The following PTPRK variants were observed in gnomAD, a reference collection of about 807,000 sequenced individuals.
PTPRK encodes protein tyrosine phosphatase receptor type K, also known as receptor-type tyrosine-protein phosphatase kappa.
A neutral mutation model predicts 178.0 loss-of-function variants in PTPRK; 75 were observed. That is an observed-to-expected ratio of 0.42 (90% CI 0.35 to 0.51). The LOEUF (loss-of-function observed/expected upper bound fraction) is 0.51, where lower values mean the gene tolerates loss of function less well. PTPRK is among the 20% of genes least tolerant of loss of function. The pLI, the probability that PTPRK is intolerant of heterozygous loss-of-function variation, is 0.02. For missense variants in PTPRK, 1,441 were observed against 1,797.8 expected (o/e 0.80, Z 3.59); for synonymous variants, 637 against 620.6 (o/e 1.03, Z -0.39).
chr6:128,486,324 C>G (rs1006245072), intron 1 of PTPRK, among the ~76,000 whole-genome samples: 1 of 152,126 alleles, frequency 6.6e-6, no homozygotes, highest in Non-Finnish European at 1.5e-5. Flanking sequence ...CATCCCTCTT[C>G]TGCTTTGAAA....
chr6:128,435,054 A>AGGAAGGAAGGAAGGC (rs1562514794), intron 1 of PTPRK, among the ~76,000 whole-genome samples: 1 of 58,872 alleles, frequency 1.7e-5, no homozygotes, highest in Non-Finnish European at 3.0e-5. Context: ...GGCAGGAAGG[A>AGGAAGGAAGGAAGGC]AGGAAGGAAG....
At chr6:128,120,668 G>T (rs1329164349) in intron 7 of PTPRK, among the ~76,000 whole-genome samples, 1 of 151,782 alleles carries the variant, frequency 6.6e-6, no homozygotes, top group African/African-American at 2.4e-5. Context: ...AACTGCACAA[G>T]AAAAAGAAGA....
At chr6:127,979,928 T>C (rs1411279106) in intron 25 of PTPRK, among the ~76,000 whole-genome samples, 2 of 152,306 alleles carry the variant, frequency 1.3e-5, no homozygotes, top group Non-Finnish European at 2.9e-5. Context: ...TTTAAAACTT[T>C]CTTTCCTTGG....
At chr6:128,501,843 C>A (rs1373543175) in intron 1 of PTPRK, among the ~76,000 whole-genome samples, 2 of 152,022 alleles carry the variant, frequency 1.3e-5, no homozygotes, top group East Asian at 3.8e-4. Context: ...AGCCCAAATG[C>A]AGTATTAAGA....
chr6:128,507,815 T>C (rs1024406885), intron 1 of PTPRK, among the ~76,000 whole-genome samples: 4 of 152,152 alleles, frequency 2.6e-5, no homozygotes, highest in Admixed American at 1.3e-4. Context: ...TTGATCCTGC[T>C]TCCAGAGGGA....
chr6:128,480,334 G>C (rs916187887), intron 1 of PTPRK, among the ~76,000 whole-genome samples: 1 of 152,064 alleles, frequency 6.6e-6, no homozygotes, highest in Non-Finnish European at 1.5e-5. Flanking sequence ...CCAACAATAA[G>C]CAAGTGTTCC....
At chr6:128,481,935 C>A (rs1047945116) in intron 1 of PTPRK, among the ~76,000 whole-genome samples, 2 of 152,082 alleles carry the variant, frequency 1.3e-5, no homozygotes, top group African/African-American at 4.8e-5. Context: ...CTAAAATGAA[C>A]TGTTTGGCTA....
intron 13 of PTPRK, among the ~76,000 whole-genome samples, chr6:128,037,157 C>T (rs1378344064): frequency 1.3e-5 from 2 of 152,148 alleles, no homozygotes; most frequent in Non-Finnish European, 2.9e-5. Context: ...GGACTACATA[C>T]TTGATCTCCA....
chr6:128,066,813 C>T (rs938884879), intron 12 of PTPRK, among the ~76,000 whole-genome samples: 4 of 152,162 alleles, frequency 2.6e-5, no homozygotes, highest in Non-Finnish European at 2.9e-5. Context: ...TTCCCACATA[C>T]GGAACTGCCG....
At chr6:128,403,098 A>C (rs2128372970) in intron 1 of PTPRK, among the ~76,000 whole-genome samples, 1 of 152,298 alleles carries the variant, frequency 6.6e-6, no homozygotes, top group East Asian at 1.9e-4. Flanking sequence ...CTTCAAACAC[A>C]ATTGTTACTT....
intron 7 of PTPRK, among the ~76,000 whole-genome samples, chr6:128,120,749 T>G (rs988889175): frequency 8.5e-5 from 13 of 152,076 alleles, no homozygotes; most frequent in African/African-American, 2.6e-4. Flanking sequence ...AGTTTAAATT[T>G]TTTTAAGGAA....
At chr6:128,215,776 C>T (rs1277442236) in intron 6 of PTPRK, among the ~76,000 whole-genome samples, 2 of 152,028 alleles carry the variant, frequency 1.3e-5, no homozygotes, top group Non-Finnish European at 2.9e-5. Context: ...ACAGGCAATA[C>T]CATGCCAGCT....
At chr6:128,003,633 T>C (rs1294398644) in intron 15 of PTPRK, among the ~76,000 whole-genome samples, 1 of 151,866 alleles carries the variant, frequency 6.6e-6, no homozygotes, top group African/African-American at 2.4e-5. Flanking sequence ...TAAGTGGATA[T>C]TTATAGTTAC....
chr6:128,039,290 A>G (rs895958280), intron 13 of PTPRK, among the ~76,000 whole-genome samples: 4 of 152,182 alleles, frequency 2.6e-5, no homozygotes, highest in Non-Finnish European at 5.9e-5. Context: ...ACACTATTTT[A>G]AGTTCAAAAA....
chr6:128,232,333 A>T (rs959601447), intron 5 of PTPRK, among the ~76,000 whole-genome samples: 1 of 152,238 alleles, frequency 6.6e-6, no homozygotes, highest in African/African-American at 2.4e-5. Context: ...TACAGTCCTT[A>T]GACTCTATAC....
At chr6:128,378,932 C>T (rs1166338152) in intron 2 of PTPRK, among the ~76,000 whole-genome samples, 1 of 151,982 alleles carries the variant, frequency 6.6e-6, no homozygotes, top group African/African-American at 2.4e-5. Flanking sequence ...GAGTTACTTG[C>T]TATTGTTAAA....
intron 13 of PTPRK, among the ~76,000 whole-genome samples, chr6:128,013,358 T>A (rs899456495): frequency 2.0e-4 from 30 of 151,412 alleles, no homozygotes; most frequent in African/African-American, 7.3e-4. Flanking sequence ...TGATAACTGA[T>A]CACTCTCTAA....
intron 6 of PTPRK, among the ~76,000 whole-genome samples, chr6:128,187,085 T>C (rs566991030): frequency 2.6e-5 from 4 of 152,228 alleles, no homozygotes; most frequent in African/African-American, 9.6e-5. Context: ...CAAACCTTGG[T>C]TAATCATAAA....
At chr6:128,145,195 G>T (rs1178012205) in intron 7 of PTPRK, among the ~76,000 whole-genome samples, 1 of 152,080 alleles carries the variant, frequency 6.6e-6, no homozygotes, top group Non-Finnish European at 1.5e-5. Flanking sequence ...AGGTGAATTT[G>T]TAATACTACT....
Sources: allele counts gnomAD v4.1 joint callset (sites outside exome capture counted in the v4.1 genomes callset), GRCh38; gene constraint gnomAD v4.1.1; transcripts MANE v1.5; gene names NCBI Gene and HGNC (gene_info 2026-07-23, HGNC 2026-07-21).